Variants in GPR39 observed in about 807,000 individuals in gnomAD.
The protein encoded by GPR39 is zinc sensing receptor.
A neutral mutation model predicts 18.4 loss-of-function variants in GPR39; 23 were observed. The ratio of observed to expected loss-of-function variants is 1.25; its 90% CI spans 0.90 to 1.77. GPR39 has a LOEUF of 1.77. Among genes scored for constraint, GPR39 ranks in the 40% most tolerant of loss-of-function variants. The pLI is 0.00. For missense variants in GPR39, 647 were observed against 602.4 expected (o/e 1.07, Z -0.78); for synonymous variants, 280 against 257.9 (o/e 1.09, Z -0.82).
chr2:132,450,243 C>T (rs1343649855), intron 1 of GPR39, among the ~76,000 whole-genome samples: 1 of 152,152 alleles, frequency 6.6e-6, no homozygotes. Context: ...TAGGTTGTAA[C>T]TGTACCTGCT....
chr2:132,584,681 C>T (rs535784141), intron 1 of GPR39, among the ~76,000 whole-genome samples: 2 of 151,850 alleles, frequency 1.3e-5, no homozygotes, highest in Non-Finnish European at 2.9e-5. Context: ...GGAAAGAGAA[C>T]TCACTTCTAG....
chr2:132,458,089 G>A, intron 1 of GPR39, among the ~76,000 whole-genome samples: 1 of 152,160 alleles, frequency 6.6e-6, no homozygotes, highest in Non-Finnish European at 1.5e-5. Flanking sequence ...GCACATCCTG[G>A]GTGAGACGAT....
In GPR39 at chr2:132,543,188, G is replaced by A. The variant is rs1313752500; in HGVS notation, c.857-101913G>A. On this transcript the variant is annotated intron_variant, in intron 1 of 1. Coordinates refer to ENST00000329321, the MANE Select transcript of GPR39 (RefSeq NM_001508.3). The stretch of plus-strand genomic sequence containing the variant: ...AGGAGAGCTCTCAGCAAAGAGAAGT[G>A]TCCTGAAAGCAGGTTTCTGGTTGCC... Among the ~76,000 whole-genome samples, 3 of 152,218 alleles carry A rather than the reference G, an allele frequency of 2.0e-5. No homozygotes were observed. The East Asian group carries it at 5.8e-4, about 29-fold the overall frequency.
chr2:132,445,344 AAAG>A (rs1168228105), intron 1 of GPR39, among the ~76,000 whole-genome samples: 4 of 152,314 alleles, frequency 2.6e-5, no homozygotes, highest in South Asian at 2.1e-4. Context: ...TTTGAGAACA[AAAG>A]AAGAAACTGA....
intron 1 of GPR39, among the ~76,000 whole-genome samples, chr2:132,581,624 G>A (rs1680624323): frequency 6.6e-6 from 1 of 152,062 alleles, no homozygotes; most frequent in African/African-American, 2.4e-5. Context: ...CAATATTCCT[G>A]GGGAAATGAG....
intron 1 of GPR39, among the ~76,000 whole-genome samples, chr2:132,580,960 C>CAAAAA (rs538565776): frequency 8.7e-4 from 48 of 55,204 alleles, no homozygotes; most frequent in African/African-American, 2.1e-3. Context: ...GACTCTGTCT[C>CAAAAA]AAAAAAAAAA....
intron 1 of GPR39, among the ~76,000 whole-genome samples, chr2:132,441,994 C>A (rs1680449007): frequency 6.6e-6 from 1 of 152,016 alleles, no homozygotes; most frequent in African/African-American, 2.4e-5. Context: ...TTTTTTTCTT[C>A]ATTCTTTGCT....
At chr2:132,450,637 G>T (rs1680616106) in intron 1 of GPR39, among the ~76,000 whole-genome samples, 1 of 152,200 alleles carries the variant, frequency 6.6e-6, no homozygotes, top group Admixed American at 6.5e-5. Flanking sequence ...CAGCCAGGCT[G>T]CTGGTTGCTA....
intron 1 of GPR39, among the ~76,000 whole-genome samples, chr2:132,527,282 A>G (rs946138152): frequency 7.2e-5 from 11 of 152,100 alleles, no homozygotes; most frequent in African/African-American, 2.7e-4. Flanking sequence ...ATTCTTTTCT[A>G]TGGCTACATA....
At chr2:132,558,289 A>G (rs1382935240) in intron 1 of GPR39, among the ~76,000 whole-genome samples, 1 of 151,904 alleles carries the variant, frequency 6.6e-6, no homozygotes, top group Non-Finnish European at 1.5e-5. Flanking sequence ...TCTTGTGAGG[A>G]GGAAATGAGA....
At chr2:132,547,325 G>T (rs1436918211) in intron 1 of GPR39, among the ~76,000 whole-genome samples, 1 of 152,198 alleles carries the variant, frequency 6.6e-6, no homozygotes, top group African/African-American at 2.4e-5. Flanking sequence ...TTCCGGTCTT[G>T]TGAATCAGGA....
At chr2:132,598,205 T>C (rs1304296384) in intron 1 of GPR39, among the ~76,000 whole-genome samples, 1 of 152,214 alleles carries the variant, frequency 6.6e-6, no homozygotes, top group Non-Finnish European at 1.5e-5. Context: ...TTGGATCTTA[T>C]ATTTAGTTAG....
At chr2:132,430,037 G>C (rs755442302) in intron 1 of GPR39, among the ~76,000 whole-genome samples, 5 of 152,154 alleles carry the variant, frequency 3.3e-5, no homozygotes, top group Non-Finnish European at 7.3e-5. Context: ...GAGAAGAGGA[G>C]TGGCAGGAAG....
At chr2:132,559,739 G>A (rs948045806) in intron 1 of GPR39, among the ~76,000 whole-genome samples, 2 of 152,112 alleles carry the variant, frequency 1.3e-5, no homozygotes, top group African/African-American at 2.4e-5. Context: ...AAATACTGTC[G>A]TTGGAAAAGG....
chr2:132,444,421 G>T (rs1680498325), intron 1 of GPR39, among the ~76,000 whole-genome samples: 1 of 152,084 alleles, frequency 6.6e-6, no homozygotes, highest in African/African-American at 2.4e-5. Flanking sequence ...CTCCCAAGTA[G>T]CTGGGAATGC....
rs1330444151 is a variant in GPR39, at chr2:132,465,043, A to T, written c.856+47145A>T. 2.0e-5 allele frequency among the ~76,000 whole-genome samples: 3 copies of T among 152,240 alleles called. No individual in the cohort carries two copies. The East Asian group carries it at 5.8e-4, about 29-fold the overall frequency. On this transcript the variant is annotated intron_variant, in intron 1 of 1. Transcript: ENST00000329321. ...TTCAAAATGATGATTTGACTTGCTT[A>T]TTCACAAAATTTGTTTGGATTTGAG...
intron 1 of GPR39, among the ~76,000 whole-genome samples, chr2:132,624,992 A>C (rs1251889913): frequency 6.6e-6 from 1 of 152,048 alleles, no homozygotes; most frequent in Non-Finnish European, 1.5e-5. Flanking sequence ...GCTCTACTAG[A>C]GACTGTCAAA....
intron 1 of GPR39, among the ~76,000 whole-genome samples, chr2:132,545,396 C>T (rs944172766): frequency 1.3e-5 from 2 of 152,180 alleles, no homozygotes; most frequent in African/African-American, 4.8e-5. Flanking sequence ...ATTTCAGGGT[C>T]CCCATCCATA....
intron 1 of GPR39, among the ~76,000 whole-genome samples, chr2:132,432,566 C>T (rs948567064): frequency 7.2e-5 from 11 of 152,126 alleles, no homozygotes; most frequent in Admixed American, 2.0e-4. Flanking sequence ...CAAAATCCTT[C>T]GCTTAATCAC....
Sources: gnomAD v4.1 joint callset for allele counts (sites outside exome capture counted in the v4.1 genomes callset) on GRCh38, gnomAD v4.1.1 for gene constraint, MANE v1.5 for transcripts, NCBI Gene and HGNC (gene_info 2026-07-23, HGNC 2026-07-21) for gene names.